PTPRG: variants seen among roughly 807,000 people sequenced by gnomAD.
PTPRG encodes the protein receptor-type tyrosine-protein phosphatase gamma.
Under a neutral mutation model 165.3 loss-of-function variants are expected in PTPRG, and 102 were observed. The ratio of observed to expected loss-of-function variants is 0.62; its 90% confidence interval spans 0.53 to 0.73. PTPRG has a LOEUF of 0.73. Ranked by LOEUF, PTPRG falls within the 30% of genes least tolerant of loss-of-function variation. PTPRG has a pLI of 0.00. For missense variants in PTPRG, 1,866 were observed against 1,861.4 expected (o/e 1.00, Z -0.05); for synonymous variants, 675 against 669.5 (o/e 1.01, Z -0.13).
intron 1 of PTPRG, among the ~76,000 whole-genome samples, chr3:61,628,943 A>G (rs1003458289): frequency 6.6e-6 from 1 of 152,208 alleles, no homozygotes; most frequent in Non-Finnish European, 1.5e-5. Flanking sequence ...TGCTTGTAAC[A>G]AACATACCAC....
At chr3:61,824,204 C>A (rs1302529727) in intron 2 of PTPRG, among the ~76,000 whole-genome samples, 1 of 152,076 alleles carries the variant, frequency 6.6e-6, no homozygotes, top group Non-Finnish European at 1.5e-5. Flanking sequence ...TTTTCCAAAC[C>A]ACACTAGACT....
chr3:62,262,971 C>A, intron 17 of PTPRG, 77 bp downstream of exon 17: 1 of 1,017,184 alleles, frequency 9.8e-7, no homozygotes, highest in Non-Finnish European at 1.5e-6. Flanking sequence ...GAAAGCCAAG[C>A]AGTCAGAAGC....
At chr3:61,564,949 T>C (rs139012370) in intron 1 of PTPRG, among the ~76,000 whole-genome samples, 209 of 152,374 alleles carry the variant, frequency 1.4e-3, no homozygotes, top group African/African-American at 4.9e-3. Flanking sequence ...TTGCCTGCTA[T>C]GACCTCGAAA....
At chr3:61,830,520 TCGACTTA>T (rs2036250007) in intron 2 of PTPRG, among the ~76,000 whole-genome samples, 1 of 151,778 alleles carries the variant, frequency 6.6e-6, no homozygotes, top group African/African-American at 2.4e-5. Flanking sequence ...CTTTGAATCT[TCGACTTA>T]CGACTTACTT....
At chr3:62,069,684 T>TCTCACACACA (rs542306888) in intron 4 of PTPRG, among the ~76,000 whole-genome samples, 326 of 144,966 alleles carry the variant, frequency 2.2e-3, no homozygotes, top group African/African-American at 6.9e-3. Flanking sequence ...TCTCTCTCTC[T>TCTCACACACA]CACACACAGA....
At chr3:62,276,047 T>C in intron 24 of PTPRG, 81 bp downstream of exon 24, 3 of 1,013,134 alleles carry the variant, frequency 3.0e-6, no homozygotes, top group Non-Finnish European at 4.5e-6. Context: ...ACTCTGATGC[T>C]ATTGATAGCA....
rs76421494 is a variant in PTPRG, at chr3:62,029,350, G to A, written c.519+25853G>A. ...TCTCACTGTCACAAGCTTCAAATGT[G>A]CGTCCCAGAAAGGAAGAGAAAGCTG... On this transcript the variant is annotated intron_variant, in intron 4 of 29. Coordinates refer to ENST00000474889, the MANE Select transcript of PTPRG (RefSeq NM_002841.4). Among the ~76,000 whole-genome samples the A allele has an allele frequency of 3.9e-3, 593 of 152,242 alleles. 4 individuals are homozygous for A. The highest frequency in any genetic ancestry group is 0.014 in the African/African-American group (567 of 41,548).
chr3:61,839,273 T>C (rs2036553709), intron 2 of PTPRG, among the ~76,000 whole-genome samples: 1 of 152,216 alleles, frequency 6.6e-6, no homozygotes, highest in Non-Finnish European at 1.5e-5. Context: ...CTGAAAAATA[T>C]TTACTGTTCG....
intron 2 of PTPRG, among the ~76,000 whole-genome samples, chr3:61,964,655 T>A (rs1296588814): frequency 6.6e-6 from 1 of 152,138 alleles, no homozygotes; most frequent in Non-Finnish European, 1.5e-5. Flanking sequence ...AAGCTCCTCT[T>A]GTCTTTATTG....
intron 2 of PTPRG, among the ~76,000 whole-genome samples, chr3:61,919,564 G>A (rs79599113): frequency 0.011 from 1,616 of 152,260 alleles, 35 homozygotes; most frequent in South Asian, 0.092. Flanking sequence ...TCACAATCCA[G>A]TAGGGGTCAC....
At chr3:62,084,777 C>G (rs141932767) in intron 5 of PTPRG, among the ~76,000 whole-genome samples, 106 of 152,280 alleles carry the variant, frequency 7.0e-4, no homozygotes, top group Non-Finnish European at 1.1e-3. Context: ...TGACTTATAG[C>G]ATTCCATCTT....
At chr3:61,649,146 A>C (rs2886511) in intron 1 of PTPRG, among the ~76,000 whole-genome samples, 2 of 149,198 alleles carry the variant, frequency 1.3e-5, no homozygotes, top group Admixed American at 1.3e-4. Flanking sequence ...TTCCCTTTTC[A>C]CTTCCCTCCC....
In PTPRG at chr3:62,255,256, T is replaced by G. The variant is rs760974106; in HGVS notation, c.2559+41T>G. ...GGAAGTTAACTTCCAGAAACCTAAG[T>G]CTTACTTTATGCAGATTTTTGTAAA... is the stretch of plus-strand genomic sequence containing the variant. On this transcript the variant is annotated intron_variant, in intron 16 of 29. Coordinates refer to ENST00000474889, the MANE Select transcript of PTPRG (RefSeq NM_002841.4). This position sits in a 1 kb window ranked among gnomAD's most constrained non-coding sequence, Gnocchi z 4.0. The G allele has an allele frequency of 6.7e-7, 1 of 1,497,612 alleles. No individual in the cohort carries two copies. The highest frequency in any genetic ancestry group is 9.2e-7 in the Non-Finnish European group (1 of 1,085,596). 92.8% of individuals were successfully genotyped at this position (1,497,612 alleles called of 1,614,324 possible).
rs113310833 is a variant in PTPRG at position 61,678,933 on chromosome 3, A to AT, written c.86-69936dup. Among the ~76,000 whole-genome samples, 106 of 151,154 alleles carry AT rather than the reference A, an allele frequency of 7.0e-4. 1 individual carries two copies. Among genetic ancestry groups the AT allele is most frequent in the Admixed American group, 3.5e-3 (53 of 15,150 alleles). On this transcript the variant is annotated intron_variant, in intron 1 of 29. Transcript: ENST00000474889. ...CATTAGTATCTCTGTATTATGTGCA[A>AT]TTTTTTTTTCCTTGAAAGCATTTCT... is the stretch of plus-strand genomic sequence containing the variant.
chr3:62,264,719 G>A (rs541652466), intron 17 of PTPRG, among the ~76,000 whole-genome samples: 4 of 151,868 alleles, frequency 2.6e-5, no homozygotes, highest in South Asian at 2.1e-4. Flanking sequence ...TTTCTTTTCC[G>A]CTTCTCAGCT....
At chr3:61,906,567 C>G (rs1267889397) in intron 2 of PTPRG, among the ~76,000 whole-genome samples, 1 of 151,978 alleles carries the variant, frequency 6.6e-6, no homozygotes, top group African/African-American at 2.4e-5. Context: ...CCCAGGAATT[C>G]GAGACCAGCC....
intron 2 of PTPRG, among the ~76,000 whole-genome samples, chr3:61,827,381 C>A (rs1188360176): frequency 6.6e-6 from 1 of 152,158 alleles, no homozygotes; most frequent in Non-Finnish European, 1.5e-5. Flanking sequence ...TCACTTCCAA[C>A]CTTTGTATAC....
intron 12 of PTPRG, among the ~76,000 whole-genome samples, chr3:62,211,711 C>A (rs975812195): frequency 3.9e-5 from 6 of 152,112 alleles, no homozygotes; most frequent in African/African-American, 1.4e-4. Context: ...TGATAGAGGC[C>A]TCTTGGATCC....
intron 1 of PTPRG, among the ~76,000 whole-genome samples, chr3:61,703,126 TC>T (rs1388124779): frequency 1.3e-5 from 2 of 151,898 alleles, no homozygotes; most frequent in African/African-American, 4.8e-5. Flanking sequence ...CCTGTATTTC[TC>T]CCCAGGTAAG....
Sources: gnomAD v4.1 joint callset for allele counts (sites outside exome capture counted in the v4.1 genomes callset) on GRCh38, gnomAD v4.1.1 for gene constraint, Gnocchi (gnomAD v3.1) non-coding constraint, MANE v1.5 for transcripts, NCBI Gene and HGNC (gene_info 2026-07-23, HGNC 2026-07-21) for gene names.